Variants in PSD3 observed in about 807,000 individuals in gnomAD.
PSD3 encodes the protein pleckstrin and Sec7 domain containing 3.
In PSD3, 49 loss-of-function variants were observed where a neutral mutation model predicts 105.5. The ratio of observed to expected loss-of-function variants is 0.46; its 90% CI spans 0.37 to 0.59. The LOEUF (loss-of-function observed/expected upper bound fraction) is 0.59, where lower values mean the gene tolerates loss of function less well. Ranked by LOEUF, PSD3 falls within the 20% of genes least tolerant of loss-of-function variation. PSD3 has a pLI of 0.00. For synonymous variants in PSD3, 557 were observed against 457.8 expected, an observed-to-expected ratio of 1.22 and a Z score of -2.77; for missense variants, 1,561 against 1,263.8, an observed-to-expected ratio of 1.24 and a Z score of -3.57.
chr8:18,600,593 C>T (rs1193643010), intron 11 of PSD3, among the ~76,000 whole-genome samples, 159 bp from the exon 12 acceptor site: 7 of 152,126 alleles, frequency 4.6e-5, no homozygotes, highest in African/African-American at 1.7e-4. Flanking sequence ...GTGTACCAGG[C>T]GGCATTCTAA....
chr8:18,671,476 TG>T (rs1166877574), intron 9 of PSD3, among the ~76,000 whole-genome samples: 1 of 152,122 alleles, frequency 6.6e-6, no homozygotes, highest in Non-Finnish European at 1.5e-5. Context: ...CAAGAGGTAA[TG>T]TAGTTATGAT....
At chr8:18,843,303 G>A (rs991462622) in intron 4 of PSD3, among the ~76,000 whole-genome samples, 2 of 149,174 alleles carry the variant, frequency 1.3e-5, no homozygotes, top group Non-Finnish European at 3.0e-5. Context: ...GGAGCTTGCA[G>A]TGAGCCGAGA....
Position 18,855,411 on chromosome 8 carries a change from G to A in PSD3, c.1634+12263C>T, listed in dbSNP as rs945177383. On this transcript the variant is annotated intron_variant, in intron 4 of 15. Transcript: ENST00000327040. ...TTTGACATAATATGACAGTCAAAAT[G>A]CCCATAAATAGAAAAATGAAAAAAA... Among the ~76,000 whole-genome samples, 9 of 152,030 alleles carry A rather than the reference G, an allele frequency of 5.9e-5. No homozygotes were observed. In the South Asian group the frequency reaches 6.2e-4, roughly 11 times the overall value.
chr8:18,954,509 G>C (rs1376178854), intron 1 of PSD3, among the ~76,000 whole-genome samples: 1 of 152,116 alleles, frequency 6.6e-6, no homozygotes, highest in Non-Finnish European at 1.5e-5. Flanking sequence ...CCAATGTTTA[G>C]TTCCCTAATC....
At chr8:18,780,916 A>T (rs929072919) in intron 8 of PSD3, among the ~76,000 whole-genome samples, 1 of 152,204 alleles carries the variant, frequency 6.6e-6, no homozygotes, top group African/African-American at 2.4e-5. Flanking sequence ...TTCTAAATGC[A>T]GGGCTCCCTT....
At chr8:18,900,558 T>C (rs992816612) in intron 2 of PSD3, among the ~76,000 whole-genome samples, 2 of 152,074 alleles carry the variant, frequency 1.3e-5, no homozygotes, top group Non-Finnish European at 2.9e-5. Flanking sequence ...CTAGTGGTAC[T>C]TTGTATGGGT....
intron 4 of PSD3, among the ~76,000 whole-genome samples, chr8:18,825,593 T>G (rs1295076549): frequency 6.6e-6 from 1 of 152,234 alleles, no homozygotes; most frequent in Non-Finnish European, 1.5e-5. Flanking sequence ...GTATTTTGAA[T>G]GAAGATGATT....
At chr8:18,633,866 C>T (rs7831874) in intron 10 of PSD3, among the ~76,000 whole-genome samples, 50,351 of 151,936 alleles carry the variant, frequency 0.33, 8,628 homozygotes, top group Middle Eastern at 0.47. Context: ...GCTGAACTAA[C>T]TTACATTCCC....
chr8:18,630,175 A>C (rs931355773), intron 11 of PSD3, among the ~76,000 whole-genome samples: 6 of 151,586 alleles, frequency 4.0e-5, no homozygotes, highest in African/African-American at 1.5e-4. Flanking sequence ...AAGCAGGACG[A>C]ACTTCCTAAC....
rs1420105290 is a variant in PSD3, at chr8:19,078,084, A to G, written c.324+6122T>C. Among the ~76,000 whole-genome samples the G allele has an allele frequency of 2.0e-4, 30 of 152,170 alleles. 1 individual carries two copies. The highest frequency in any genetic ancestry group is 2.0e-3 in the Admixed American group (30 of 15,270). On this transcript the variant is annotated intron_variant, in intron 1 of 1. Coordinates refer to the PSD3 transcript ENST00000521475. ...CTTGCTCCGTTGCCCAGGCTGGAGT[A>G]GAGTGGCACAGTCACAACTCGCTGC...
At chr8:19,028,657 G>A (rs1384328588) in intron 1 of PSD3, among the ~76,000 whole-genome samples, 2 of 152,038 alleles carry the variant, frequency 1.3e-5, no homozygotes, top group Non-Finnish European at 2.9e-5. Context: ...TTAGTTTCTT[G>A]GGTGTCTTTG....
At chr8:19,013,304 G>A (rs1424972512) in intron 1 of PSD3, among the ~76,000 whole-genome samples, 2 of 151,588 alleles carry the variant, frequency 1.3e-5, no homozygotes, top group African/African-American at 2.4e-5. Flanking sequence ...TTTCTCCAAA[G>A]TCTGAGGTTT....
At chr8:18,639,775 C>A (rs961531366) in intron 10 of PSD3, among the ~76,000 whole-genome samples, 5 of 152,022 alleles carry the variant, frequency 3.3e-5, no homozygotes, top group African/African-American at 9.7e-5. Context: ...GTTATGGCAG[C>A]CAAAGGAAAT....
At chr8:18,648,459 G>T (rs2130824953) in intron 10 of PSD3, among the ~76,000 whole-genome samples, 1 of 152,326 alleles carries the variant, frequency 6.6e-6, no homozygotes, top group South Asian at 2.1e-4. Flanking sequence ...AGGGTATCTG[G>T]CAGAAGAAAT....
intron 14 of PSD3, among the ~76,000 whole-genome samples, chr8:18,562,886 C>G (rs575043887): frequency 6.9e-6 from 1 of 143,952 alleles, no homozygotes; most frequent in East Asian, 2.0e-4. Flanking sequence ...GAGACTCTGT[C>G]TAGATAAAGA....
chr8:18,905,467 G>C lies in PSD3; in HGVS notation c.130+30567C>G, dbSNP rs968503595. Among the ~76,000 whole-genome samples, 4 of 152,212 alleles carry C rather than the reference G, an allele frequency of 2.6e-5. No individual in the cohort carries two copies. In the East Asian group the frequency reaches 5.8e-4, roughly 22 times the overall value. ...GCCACCTGAGTAGCTGGGACTACAG[G>C]TGCACACCACCATTCCCGGATAATT... On this transcript the variant is annotated intron_variant, in intron 2 of 15. Transcript: ENST00000327040.
At chr8:18,657,565 A>G (rs148138667) in intron 9 of PSD3, among the ~76,000 whole-genome samples, 22 of 152,362 alleles carry the variant, frequency 1.4e-4, no homozygotes, top group African/African-American at 4.1e-4. Flanking sequence ...TATAAATTGC[A>G]TATTTGTTTT....
chr8:18,759,115 C>T (rs1472945577), intron 9 of PSD3, among the ~76,000 whole-genome samples: 1 of 151,736 alleles, frequency 6.6e-6, no homozygotes, highest in African/African-American at 2.4e-5. Context: ...CTCTCTCTCT[C>T]TTTCTTCCAC....
intron 15 of PSD3, among the ~76,000 whole-genome samples, chr8:18,551,987 T>C (rs1800798143): frequency 6.6e-6 from 1 of 152,210 alleles, no homozygotes; most frequent in Admixed American, 6.5e-5. Context: ...GATATATTAA[T>C]AACAGGCAAT....
Sources: allele counts gnomAD v4.1 joint callset (sites outside exome capture counted in the v4.1 genomes callset), GRCh38; gene constraint gnomAD v4.1.1; transcripts MANE v1.5; gene names NCBI Gene and HGNC (gene_info 2026-07-23, HGNC 2026-07-21).